SRGAP2: variants seen among roughly 807,000 people sequenced by gnomAD.
SRGAP2 encodes SLIT-ROBO Rho GTPase activating protein 2.
SRGAP2 carries 15 observed loss-of-function variants against 57.2 expected under a neutral mutation model. The observed-to-expected ratio is 0.26, with a 90% CI of 0.18 to 0.40. The LOEUF (loss-of-function observed/expected upper bound fraction) is 0.40, where lower values mean the gene tolerates loss of function less well. Among genes scored for constraint, SRGAP2 ranks in the 10% least tolerant of loss-of-function variants. SRGAP2 has a pLI of 1.00. For synonymous variants in SRGAP2, 249 were observed against 248.0 expected, an observed-to-expected ratio of 1.00 and a Z score of -0.04; for missense variants, 520 against 669.6, an observed-to-expected ratio of 0.78 and a Z score of 2.47.
chr1:206,378,056 T>TA (rs1553345451), intron 4 of SRGAP2, among the ~76,000 whole-genome samples: 1 of 109,870 alleles, frequency 9.1e-6, no homozygotes, highest in East Asian at 2.5e-4. Flanking sequence ...ATGACCAATA[T>TA]AAAAAAATAG....
chr1:206,443,390 T>C (rs916645562), intron 17 of SRGAP2, among the ~76,000 whole-genome samples: 1 of 152,246 alleles, frequency 6.6e-6, no homozygotes, highest in Non-Finnish European at 1.5e-5. Context: ...TTGTTTGTTT[T>C]TGAGATGGAG....
At position 206,373,022 on chromosome 1, in the gene SRGAP2, T is replaced by TTTCTTTCC. The variant is rs1558359663; in HGVS notation, c.424-10986_424-10985insCCTTCTTT. 2.8e-4 allele frequency among the ~76,000 whole-genome samples: 34 copies of TTTCTTTCC among 123,360 alleles called. 2 individuals are homozygous for TTTCTTTCC. The highest frequency in any genetic ancestry group is 4.8e-4 in the Non-Finnish European group (28 of 58,668). The allele number at this position is 123,360 out of a possible 152,430, so 80.9% of individuals were successfully genotyped here. A position where few individuals can be genotyped will look rare whatever the true frequency, so the allele number is the denominator to read the frequency against. On this transcript the variant is annotated intron_variant, in intron 4 of 22. Transcript: ENST00000573034. ...CTTTCTTTCTTTCTTTCTTTCTTTC[T>TTTCTTTCC]TTCTTTTCTTTCTCTCTCTCTCTCT...
chr1:206,447,599 T>C (rs913679694), intron 18 of SRGAP2, among the ~76,000 whole-genome samples: 13 of 152,224 alleles, frequency 8.5e-5, no homozygotes, highest in African/African-American at 3.1e-4. Flanking sequence ...TTGGTCACTT[T>C]AGGTCTCAGC....
intron 5 of SRGAP2, among the ~76,000 whole-genome samples, chr1:206,391,374 AC>A (rs1449037787): frequency 1.9e-5 from 2 of 105,970 alleles, no homozygotes; most frequent in Admixed American, 1.0e-4. Flanking sequence ...AGTCTGACAG[AC>A]CTGGGTTTGA....
chr1:206,354,257 G>A (rs1462033008), intron 4 of SRGAP2, among the ~76,000 whole-genome samples: 3 of 152,146 alleles, frequency 2.0e-5, no homozygotes, highest in Non-Finnish European at 4.4e-5. Flanking sequence ...CCTCTGAAGA[G>A]TATGAAGTTT....
chr1:206,268,455 T>G (rs1479129596), intron 2 of SRGAP2, among the ~76,000 whole-genome samples: 1 of 151,974 alleles, frequency 6.6e-6, no homozygotes, highest in Non-Finnish European at 1.5e-5. Context: ...GGAATATATT[T>G]TAAGATAGAT....
chr1:206,307,483 C>CCA, intron 3 of SRGAP2, among the ~76,000 whole-genome samples: 1 of 152,162 alleles, frequency 6.6e-6, no homozygotes, highest in African/African-American at 2.4e-5. Context: ...GTCGATGGGA[C>CCA]TGGGCGCCAT....
intron 17 of SRGAP2, among the ~76,000 whole-genome samples, chr1:206,444,168 G>A (rs1434985408): frequency 6.7e-6 from 1 of 149,194 alleles, no homozygotes; most frequent in African/African-American, 2.5e-5. Context: ...CCAGACAGGC[G>A]ACTCCGTCTC....
intron 11 of SRGAP2, among the ~76,000 whole-genome samples, chr1:206,416,921 T>C (rs750826494): frequency 6.6e-6 from 1 of 152,198 alleles, no homozygotes; most frequent in Non-Finnish European, 1.5e-5. Context: ...GAGCACTCTT[T>C]AGACAAACTG....
In SRGAP2 at chr1:206,462,856, G is replaced by C. The variant is rs1441074712; in HGVS notation, c.*1436G>C. On this transcript the variant is annotated 3_prime_UTR_variant, in exon 23 of 23. Coordinates refer to ENST00000573034, the MANE Select transcript of SRGAP2 (RefSeq NM_015326.5). ...CTCCAAACCTGGTGCCTGTGCTCCT[G>C]GCCCCCCTAGCATCATGCTATCCCA... 5.9e-5 allele frequency: 9 copies of C among 152,130 alleles called. No individual in the cohort carries two copies. Among genetic ancestry groups the C allele is most frequent in the Non-Finnish European group, 1.0e-4 (7 of 68,036 alleles). 9.4% of individuals were successfully genotyped at this position (152,130 alleles called of 1,614,324 possible).
chr1:206,432,698 G>T (rs1378220938), intron 14 of SRGAP2, among the ~76,000 whole-genome samples: 1 of 152,212 alleles, frequency 6.6e-6, no homozygotes, highest in Non-Finnish European at 1.5e-5. Context: ...TACTACAGAT[G>T]CTCCTCGGCC....
Position 206,303,268 on chromosome 1 carries a change from G to A in SRGAP2, c.68-13G>A. 1 of 1,439,454 alleles carries A rather than the reference G, an allele frequency of 6.9e-7. No homozygotes were observed. The highest frequency in any genetic ancestry group is 9.2e-7 in the Non-Finnish European group (1 of 1,084,938). The allele number at this position is 1,439,454 out of a possible 1,614,324, so 89.2% of individuals were successfully genotyped here. A position where few individuals can be genotyped will look rare whatever the true frequency, so the allele number is the denominator to read the frequency against. On this transcript the variant is annotated splice_polypyrimidine_tract_variant and intron_variant, in intron 2 of 22. Coordinates refer to ENST00000573034, the MANE Select transcript of SRGAP2 (RefSeq NM_015326.5). ...GCGGTCTTTCTGACTGTCTTCTCTTGTTTTTGTTGTAGAGATCCGTGCTCA... is the reference window on the plus strand; with the variant it reads ...GCGGTCTTTCTGACTGTCTTCTCTTATTTTTGTTGTAGAGATCCGTGCTCA...
chr1:206,424,733 A>C (rs1210052731), intron 13 of SRGAP2, among the ~76,000 whole-genome samples: 11 of 152,262 alleles, frequency 7.2e-5, no homozygotes, highest in Admixed American at 3.3e-4. Context: ...TCTTCGTGGC[A>C]CCACAGGAGT....
chr1:206,301,282 G>A (rs1671858959), intron 2 of SRGAP2, among the ~76,000 whole-genome samples: 1 of 151,904 alleles, frequency 6.6e-6, no homozygotes, highest in African/African-American at 2.4e-5. Flanking sequence ...TGATCCGCCC[G>A]CCTCGGCCTC....
intron 13 of SRGAP2, among the ~76,000 whole-genome samples, chr1:206,423,253 T>C (rs1660472699): frequency 6.6e-6 from 1 of 152,194 alleles, no homozygotes; most frequent in African/African-American, 2.4e-5. Context: ...TTGTTGGCCT[T>C]TCTCCATTCC....
chr1:206,257,879 G>T (rs1669295408), intron 2 of SRGAP2, among the ~76,000 whole-genome samples: 1 of 148,472 alleles, frequency 6.7e-6, no homozygotes, highest in Non-Finnish European at 1.5e-5. Flanking sequence ...AATGGGAATG[G>T]GCAGTGAAGG....
At chr1:206,427,571 T>C (rs1431656580) in intron 13 of SRGAP2, among the ~76,000 whole-genome samples, 1 of 152,110 alleles carries the variant, frequency 6.6e-6, no homozygotes, top group African/African-American at 2.4e-5. Context: ...CCTGACTTTT[T>C]TGTGAGACCC....
chr1:206,366,419 G>A (rs1654018142), intron 4 of SRGAP2, among the ~76,000 whole-genome samples: 1 of 152,144 alleles, frequency 6.6e-6, no homozygotes, highest in Non-Finnish European at 1.5e-5. Flanking sequence ...AGCGCCTGTG[G>A]AGAATGAATG....
At chr1:206,237,740 G>A (rs1553308417) in intron 2 of SRGAP2, among the ~76,000 whole-genome samples, 1 of 145,492 alleles carries the variant, frequency 6.9e-6, no homozygotes, top group African/African-American at 2.5e-5. Flanking sequence ...CAGCCAACCT[G>A]GCTGGTGGGA....
Sources: gnomAD v4.1 joint callset for allele counts (sites outside exome capture counted in the v4.1 genomes callset) on GRCh38, gnomAD v4.1.1 for gene constraint, MANE v1.5 for transcripts, NCBI Gene and HGNC (gene_info 2026-07-23, HGNC 2026-07-21) for gene names.